Variants in TTC39C observed in about 807,000 individuals in gnomAD.
The protein encoded by TTC39C is tetratricopeptide repeat domain 39C.
TTC39C carries 33 observed loss-of-function variants against 76.3 expected under a neutral mutation model. That is an observed-to-expected ratio of 0.43 (90% CI 0.33 to 0.58). TTC39C has a LOEUF of 0.58. Among genes scored for constraint, TTC39C ranks in the 20% least tolerant of loss-of-function variants. The pLI, the probability that TTC39C is intolerant of heterozygous loss-of-function variation, is 0.04. For synonymous variants in TTC39C, 254 were observed against 260.6 expected, an observed-to-expected ratio of 0.97 and a Z score of 0.24; for missense variants, 595 against 701.4, an observed-to-expected ratio of 0.85 and a Z score of 1.71.
intron 1 of TTC39C, among the ~76,000 whole-genome samples, chr18:23,997,666 GAAA>G (rs2083276220): frequency 3.8e-5 from 3 of 78,832 alleles, no homozygotes; most frequent in African/African-American, 9.2e-5. Flanking sequence ...AAGAAAGAAA[GAAA>G]GAAAGAAAGA....
intron 3 of TTC39C, among the ~76,000 whole-genome samples, chr18:24,067,484 G>T (rs983207199): frequency 2.0e-5 from 3 of 152,116 alleles, no homozygotes; most frequent in Non-Finnish European, 2.9e-5. Flanking sequence ...TGATCTGCAG[G>T]GCAGGTGAGC....
intron 1 of TTC39C, among the ~76,000 whole-genome samples, chr18:24,030,648 C>T (rs1232665059): frequency 1.1e-4 from 10 of 89,046 alleles, no homozygotes; most frequent in Admixed American, 3.6e-4. Context: ...AAAGATAGGC[C>T]TTTTTTTTTT....
chr18:24,043,533 A>G (rs2083823881), intron 1 of TTC39C, among the ~76,000 whole-genome samples: 1 of 152,222 alleles, frequency 6.6e-6, no homozygotes, highest in Non-Finnish European at 1.5e-5. Context: ...CAGGTTGGAG[A>G]CACTGAGGCC....
At chr18:24,044,358 G>A (rs565199796) in intron 1 of TTC39C, among the ~76,000 whole-genome samples, 37 of 152,268 alleles carry the variant, frequency 2.4e-4, no homozygotes, top group African/African-American at 7.5e-4. Context: ...CCATGCTAGC[G>A]AAGGCCAGGA....
intron 1 of TTC39C, among the ~76,000 whole-genome samples, chr18:24,020,665 T>C (rs1034550234): frequency 3.3e-5 from 5 of 152,164 alleles, no homozygotes; most frequent in Admixed American, 3.3e-4. Flanking sequence ...GTAAGTGCTA[T>C]GTAGATAGTT....
intron 1 of TTC39C, chr18:24,019,784 C>A: frequency 8.2e-7 from 1 of 1,216,388 alleles, no homozygotes; most frequent in Non-Finnish European, 1.1e-6. Flanking sequence ...TTGTGCACTA[C>A]ACCTGCAGAA....
chr18:24,068,032 A>G (rs950994131), intron 3 of TTC39C, among the ~76,000 whole-genome samples: 12 of 151,724 alleles, frequency 7.9e-5, no homozygotes, highest in Admixed American at 7.9e-4. Flanking sequence ...CCCTGTCCTT[A>G]CCCTTCAGAG....
intron 6 of TTC39C, among the ~76,000 whole-genome samples, chr18:24,083,698 G>T (rs75616918): frequency 0.015 from 2,272 of 152,302 alleles, 40 homozygotes; most frequent in East Asian, 0.1. Flanking sequence ...TGCTTGCCCA[G>T]TGAGTGAGCC....
At chr18:23,999,947 G>T (rs1043765637) in intron 1 of TTC39C, among the ~76,000 whole-genome samples, 2 of 152,194 alleles carry the variant, frequency 1.3e-5, no homozygotes, top group African/African-American at 2.4e-5. Flanking sequence ...AATTTATTGG[G>T]TGTACATGGG....
At chr18:24,072,941 T>C (rs2084259695) in intron 4 of TTC39C, among the ~76,000 whole-genome samples, 1 of 152,260 alleles carries the variant, frequency 6.6e-6, no homozygotes, top group South Asian at 2.1e-4. Context: ...ACAGTTGCAG[T>C]TGAATGATTT....
intron 8 of TTC39C, among the ~76,000 whole-genome samples, chr18:24,123,385 T>TTGG (rs2085000554): frequency 7.2e-6 from 1 of 139,070 alleles, no homozygotes; most frequent in Admixed American, 6.9e-5. Context: ...ACAGTCTTTT[T>TTGG]TTTGTTTGTT....
chr18:24,100,918 T>C (rs1415934372), intron 6 of TTC39C, among the ~76,000 whole-genome samples: 1 of 152,130 alleles, frequency 6.6e-6, no homozygotes, highest in Non-Finnish European at 1.5e-5. Context: ...AGAGGTTCTG[T>C]GTTGGGTTAA....
At chr18:24,015,821 A>T (rs961770246) in intron 1 of TTC39C, among the ~76,000 whole-genome samples, 6 of 152,204 alleles carry the variant, frequency 3.9e-5, no homozygotes, top group Non-Finnish European at 8.8e-5. Flanking sequence ...AAAGAACTGA[A>T]ACCTGGTAGT....
At chr18:24,030,272 A>C (rs1386843019) in intron 1 of TTC39C, among the ~76,000 whole-genome samples, 1 of 152,184 alleles carries the variant, frequency 6.6e-6, no homozygotes, top group East Asian at 1.9e-4. Flanking sequence ...GTATGACGTA[A>C]GATAGAGAAG....
chr18:24,114,451 C>G (rs944029461), intron 6 of TTC39C, 103 bp from the exon 7 acceptor site: 2 of 875,740 alleles, frequency 2.3e-6, no homozygotes, highest in Non-Finnish European at 3.7e-6. Flanking sequence ...ATTGCTTAAC[C>G]TGTTTAAAAT....
At position 24,133,231 on chromosome 18, in the gene TTC39C, G is replaced by A. The variant is rs2085156673; in HGVS notation, c.*657G>A. The A allele has an allele frequency of 6.6e-6, 1 of 152,202 alleles. No individual in the cohort carries two copies. Among genetic ancestry groups the A allele is most frequent in the Non-Finnish European group, 1.5e-5 (1 of 68,030 alleles). 9.4% of individuals were successfully genotyped at this position (152,202 alleles called of 1,614,324 possible). A position where few individuals can be genotyped will look rare whatever the true frequency, so the allele number is the denominator to read the frequency against. ...AAAAATAATTCATGTTAATAGGCCA[G>A]AATTCCATGTTTTACTTATTAAAAG... On this transcript the variant is annotated 3_prime_UTR_variant, in exon 14 of 14. Transcript: ENST00000317571.
In TTC39C at chr18:24,069,193, C is replaced by G; in HGVS notation, c.382C>G (p.Arg128Gly). 1 of 1,614,044 alleles carries G rather than the reference C, an allele frequency of 6.2e-7. No homozygotes were observed. Among genetic ancestry groups the G allele is most frequent in the Non-Finnish European group, 8.5e-7 (1 of 1,179,918 alleles). The change falls in exon 4 of 14, where the codon CGG becomes GGG. Residue 128 changes from arginine to glycine, a missense_variant. Arg to Gly is a moderately radical substitution (Grantham distance 125, BLOSUM62 -2). Coordinates refer to ENST00000317571, the MANE Select transcript of TTC39C (RefSeq NM_001135993.2). The stretch of plus-strand genomic sequence containing the variant: ...AAAATCCGCCCCCTCTATGGTTGAT[C>G]GGCTTCAGAGGCAGATAATCATAGC... Reference protein sequence around the residue: ...VRKSAPSMVDRLQRQIIIADC... With the variant: ...VRKSAPSMVDGLQRQIIIADC...
chr18:24,072,586 C>T (rs1315250102), intron 4 of TTC39C, among the ~76,000 whole-genome samples: 3 of 152,186 alleles, frequency 2.0e-5, no homozygotes, highest in Non-Finnish European at 2.9e-5. Flanking sequence ...CATGGGCCAC[C>T]GTGCCCGGTC....
chr18:24,001,964 T>C (rs1260428343), intron 1 of TTC39C, among the ~76,000 whole-genome samples: 2 of 151,926 alleles, frequency 1.3e-5, no homozygotes, highest in African/African-American at 4.8e-5. Context: ...TAGCTGGGAC[T>C]ACAGGCGCCC....
Sources: gnomAD v4.1 joint callset for allele counts (sites outside exome capture counted in the v4.1 genomes callset) on GRCh38, gnomAD v4.1.1 for gene constraint, MANE v1.5 for transcripts, NCBI Gene and HGNC (gene_info 2026-07-23, HGNC 2026-07-21) for gene names.